Variants in PSTK observed in about 807,000 individuals in gnomAD.
PSTK encodes the protein phosphoseryl-tRNA kinase.
PSTK carries 26 observed loss-of-function variants against 38.6 expected under a neutral mutation model. The ratio of observed to expected loss-of-function variants is 0.67; its 90% CI spans 0.49 to 0.94. The LOEUF (loss-of-function observed/expected upper bound fraction) is 0.94. PSTK is among the 40% of genes least tolerant of loss of function. The probability of loss-of-function intolerance (pLI) is 0.00; values close to 1 mark genes in which losing one functional copy is unlikely to be tolerated. For synonymous variants in PSTK, 181 were observed against 161.7 expected (o/e 1.12, Z -0.91); for missense variants, 445 against 436.3 (o/e 1.02, Z -0.18).
At chr10:122,982,405 G>C in intron 1 of PSTK, 1 of 241,842 alleles carries the variant, frequency 4.1e-6, no homozygotes, top group Middle Eastern at 1.3e-3. Flanking sequence ...CTAGCAGAGA[G>C]AGAAGTGTAA....
At chr10:122,987,322 A>C in intron 5 of PSTK, 2 of 1,609,304 alleles carry the variant, frequency 1.2e-6, no homozygotes, top group South Asian at 1.1e-5. Flanking sequence ...GGGAGGATTT[A>C]TTTTTAAAAA....
chr10:122,989,413 C>T (rs1447816874), intron 5 of PSTK, among the ~76,000 whole-genome samples: 1 of 151,826 alleles, frequency 6.6e-6, no homozygotes, highest in Non-Finnish European at 1.5e-5. Flanking sequence ...CACCATGCCC[C>T]GCTAATTTTT....
Position 122,986,475 on chromosome 10 carries a change from G to A in PSTK, c.783+100G>A, listed in dbSNP as rs764682864. 12 of 857,232 alleles carry A rather than the reference G, an allele frequency of 1.4e-5. 1 individual carries two copies. Among genetic ancestry groups the A allele is most frequent in the South Asian group, 2.8e-5 (2 of 70,524 alleles). 53.1% of individuals were successfully genotyped at this position (857,232 alleles called of 1,614,324 possible). A position where few individuals can be genotyped will look rare whatever the true frequency, so the allele number is the denominator to read the frequency against. On this transcript the variant is annotated intron_variant, in intron 4 of 5. Coordinates refer to ENST00000406217, the MANE Select transcript of PSTK (RefSeq NM_001363531.2). ...AAAATGTGAGTGAAACGGGAGATGC[G>A]TTGTCATTGGCTTGGCCTCTCACCA... is the stretch of plus-strand genomic sequence containing the variant.
chr10:122,982,694 G>A, intron 1 of PSTK, 39 bp from the exon 2 acceptor site: 1 of 1,594,734 alleles, frequency 6.3e-7, no homozygotes, highest in Non-Finnish European at 8.6e-7. Flanking sequence ...GACCACCCTA[G>A]TGGCCTAATA....
chr10:122,982,578 A>T, intron 1 of PSTK, 155 bp from the exon 2 acceptor site: 1 of 631,994 alleles, frequency 1.6e-6, no homozygotes, highest in South Asian at 1.9e-5. Flanking sequence ...AAGGAATGGT[A>T]TATATGGAGT....
chr10:122,986,310 A>G lies in PSTK; in HGVS notation c.718A>G (p.Thr240Ala). The change falls in exon 4 of 6, where the codon ACT becomes GCT. Residue 240 changes from threonine (T) to alanine (A), a missense_variant. Thr to Ala is a moderately conservative substitution (Grantham distance 58, BLOSUM62 0). Transcript: ENST00000406217. ...ACASEASLEVTDLLLTALENP... is the reference protein window; with the variant it reads ...ACASEASLEVADLLLTALENP... ...CCATTTTCTCTGTAGCCTGGAAGTG[A>G]CTGATTTATTGCTCACTGCTTTGGA... 1 of 1,605,730 alleles carries G rather than the reference A, an allele frequency of 6.2e-7. No homozygotes were observed. Among genetic ancestry groups the G allele is most frequent in the Non-Finnish European group, 8.5e-7 (1 of 1,174,594 alleles).
At chr10:122,982,434 T>C in intron 1 of PSTK, 1 of 341,476 alleles carries the variant, frequency 2.9e-6, no homozygotes, top group Non-Finnish European at 5.4e-6. Flanking sequence ...TTAAACTGTG[T>C]AAGCACTGCT....
intron 4 of PSTK, 42 bp downstream of exon 4, chr10:122,986,417 A>C (rs780348659): frequency 7.4e-7 from 1 of 1,345,682 alleles, no homozygotes; most frequent in Non-Finnish European, 1.1e-6. Context: ...AGAAGGAACA[A>C]CTTTTTGTAG....
chr10:122,987,414 C>T, intron 5 of PSTK: 1 of 1,614,104 alleles, frequency 6.2e-7, no homozygotes. Flanking sequence ...GAGGATCATT[C>T]TAGGCAATGA....
chr10:122,982,726 C>G lies in PSTK; in HGVS notation c.217-7C>G, dbSNP rs778739446. On this transcript the variant is annotated splice_region_variant and splice_polypyrimidine_tract_variant and intron_variant, in intron 1 of 5. Coordinates refer to ENST00000406217, the MANE Select transcript of PSTK (RefSeq NM_001363531.2). ...AATATGAATTGCAATTCTTTGGTCT[C>G]TTGTAGCCATCCCAATGGAAATTGC... 2.8e-5 allele frequency: 45 copies of G among 1,613,458 alleles called. No individual in the cohort carries two copies. The highest frequency in any genetic ancestry group is 3.6e-5 in the Non-Finnish European group (43 of 1,179,666).
In PSTK at chr10:122,986,375, G is replaced by A. The variant is rs1183012619; in HGVS notation, c.783G>A (p.Lys261=). 4 of 1,597,826 alleles carry A rather than the reference G, an allele frequency of 2.5e-6. No individual in the cohort carries two copies. Among genetic ancestry groups the A allele is most frequent in the Non-Finnish European group, 2.6e-6 (3 of 1,165,290 alleles). ...ATGCTGAGGACAATATGGAACAAAA[G>A]GTAAACTTCCAGTGTAAATTTAATG... ...VKYAEDNMEQ[K]DTDRIICSTN... Residue 261 remains lysine (K), a splice_region_variant and synonymous_variant, in exon 4 of 6, where the codon AAG becomes AAA. Transcript: ENST00000406217.
intron 5 of PSTK, 68 bp from the exon 6 acceptor site, chr10:122,990,106 T>C: frequency 9.7e-7 from 1 of 1,029,420 alleles, no homozygotes; most frequent in South Asian, 1.6e-5. Context: ...ATTAATTTCC[T>C]AATGTCATTA....
At chr10:122,982,670 G>A in intron 1 of PSTK, 63 bp from the exon 2 acceptor site, 2 of 1,433,620 alleles carry the variant, frequency 1.4e-6, no homozygotes, top group Non-Finnish European at 1.9e-6. Context: ...GGGTGGCAGT[G>A]AGGCCAGATG....
At chr10:122,985,748 G>C (rs555829776) in intron 3 of PSTK, 2 of 151,812 alleles carry the variant, frequency 1.3e-5, no homozygotes, top group Non-Finnish European at 2.9e-5. Context: ...TAGGAAATTG[G>C]TATTTTTTAA....
chr10:122,982,563 G>A, intron 1 of PSTK, 170 bp from the exon 2 acceptor site: 1 of 613,044 alleles, frequency 1.6e-6, no homozygotes, highest in South Asian at 2.0e-5. Context: ...TAGTTTTCCA[G>A]GCAGAAGGAA....
At chr10:122,987,212 G>A in intron 5 of PSTK, 5 of 1,352,090 alleles carry the variant, frequency 3.7e-6, no homozygotes, top group Non-Finnish European at 5.0e-6. Context: ...GAATCGGCAG[G>A]GAGCAGAACA....
At chr10:122,989,376 C>T (rs560430020) in intron 5 of PSTK, among the ~76,000 whole-genome samples, 16 of 152,006 alleles carry the variant, frequency 1.1e-4, no homozygotes, top group African/African-American at 1.7e-4. Flanking sequence ...CTCAGCCTCC[C>T]GAGTAGCTGG....
rs1035355810 is a variant in PSTK, at chr10:122,990,319, T to A, written c.1023T>A (p.Phe341Leu). 2.6e-6 allele frequency: 4 copies of A among 1,517,504 alleles called. No homozygotes were observed. The Admixed American group carries it at 9.5e-5, about 36-fold the overall frequency. 94.0% of individuals were successfully genotyped at this position (1,517,504 alleles called of 1,614,324 possible). Residue 341 changes from phenylalanine to leucine, a missense_variant, in exon 6 of 6, where the codon TTT (phenylalanine) becomes TTA (leucine). Coordinates refer to ENST00000406217, the MANE Select transcript of PSTK (RefSeq NM_001363531.2). ...QTIDIPDVIS[F>L]FHYEKDNIVQ... ...TTGACATACCAGATGTCATTTCTTT[T>A]TTTCATTATGAGAAAGATAATATTG...
At chr10:122,986,042 A>AACCCCATCTCT (rs1221746363) in intron 3 of PSTK, 2 of 211,680 alleles carry the variant, frequency 9.4e-6, no homozygotes, top group Non-Finnish European at 1.9e-5. Context: ...AACACGGTGA[A>AACCCCATCTCT]ACCCCATCTC....
Sources: allele counts gnomAD v4.1 joint callset (sites outside exome capture counted in the v4.1 genomes callset), GRCh38; gene constraint gnomAD v4.1.1; transcripts MANE v1.5; gene names NCBI Gene and HGNC (gene_info 2026-07-23, HGNC 2026-07-21).